Variants in DOCK1 observed in about 807,000 individuals in gnomAD.
DOCK1 encodes the protein dedicator of cytokinesis protein 1.
A neutral mutation model predicts 262.7 loss-of-function variants in DOCK1; 138 were observed. The ratio of observed to expected loss-of-function variants is 0.53; its 90% CI spans 0.46 to 0.61. The LOEUF is 0.61. Ranked by LOEUF, DOCK1 falls within the 20% of genes least tolerant of loss-of-function variation. The pLI is 0.00. For synonymous variants in DOCK1, 866 were observed against 867.4 expected (o/e 1.00, Z 0.03); for missense variants, 1,908 against 2,370.7 (o/e 0.80, Z 4.05).
At chr10:127,273,771 A>G (rs2060648210) in intron 29 of DOCK1, among the ~76,000 whole-genome samples, 2 of 151,990 alleles carry the variant, frequency 1.3e-5, no homozygotes, top group African/African-American at 2.4e-5. Flanking sequence ...TAGTCCAGCT[A>G]CTTGGGAGGC....
chr10:126,956,050 T>C (rs2036710667), intron 1 of DOCK1, among the ~76,000 whole-genome samples: 3 of 152,188 alleles, frequency 2.0e-5, no homozygotes, highest in African/African-American at 7.2e-5. Flanking sequence ...TGGGATGGAC[T>C]CTCTGCCACT....
chr10:127,124,977 C>T (rs1476370531), intron 25 of DOCK1, among the ~76,000 whole-genome samples: 3 of 152,086 alleles, frequency 2.0e-5, no homozygotes, highest in Non-Finnish European at 2.9e-5. Context: ...ATTAGCTGGG[C>T]GTGGTGGCAG....
intron 1 of DOCK1, among the ~76,000 whole-genome samples, chr10:126,913,012 C>T (rs2032036187): frequency 6.6e-6 from 1 of 151,192 alleles, no homozygotes; most frequent in Non-Finnish European, 1.5e-5. Context: ...TCCTGCAAGC[C>T]CATGGGTCCC....
chr10:127,063,636 C>CCAA (rs2045678162), intron 23 of DOCK1, among the ~76,000 whole-genome samples: 1 of 152,160 alleles, frequency 6.6e-6, no homozygotes, highest in Non-Finnish European at 1.5e-5. Flanking sequence ...ACATTTACTA[C>CCAA]TGAATTCAGT....
intron 21 of DOCK1, among the ~76,000 whole-genome samples, chr10:127,043,760 T>TG (rs1389544004): frequency 6.6e-6 from 1 of 152,194 alleles, no homozygotes; most frequent in Admixed American, 6.5e-5. Flanking sequence ...AGCAGAGCCC[T>TG]GGAGTCTGGA....
intron 1 of DOCK1, among the ~76,000 whole-genome samples, chr10:126,941,481 GCACA>G (rs2034975219): frequency 6.6e-6 from 1 of 152,222 alleles, no homozygotes; most frequent in African/African-American, 2.4e-5. Flanking sequence ...TGTGGGCCGG[GCACA>G]GTGGCTCATG....
chr10:127,364,449 C>T (rs1052411329), intron 33 of DOCK1, among the ~76,000 whole-genome samples: 2 of 152,196 alleles, frequency 1.3e-5, no homozygotes, highest in African/African-American at 4.8e-5. Context: ...TCACTACAGC[C>T]TCCACATCCC....
At chr10:126,999,665 T>TA (rs1175219289) in intron 9 of DOCK1, among the ~76,000 whole-genome samples, 1 of 152,142 alleles carries the variant, frequency 6.6e-6, no homozygotes, top group Non-Finnish European at 1.5e-5. Context: ...ATGTGCCTCT[T>TA]AAATGTGTAT....
intron 22 of DOCK1, 55 bp from the exon 23 acceptor site, chr10:127,061,613 A>C: frequency 6.8e-7 from 1 of 1,471,926 alleles, no homozygotes; most frequent in African/African-American, 1.4e-5. Context: ...ACATGGATTC[A>C]AAAAATGTTG....
chr10:127,120,321 C>T (rs145792344), intron 25 of DOCK1, among the ~76,000 whole-genome samples: 77 of 152,292 alleles, frequency 5.1e-4, no homozygotes, highest in Admixed American at 7.9e-4. Context: ...TCTTTAACAT[C>T]GGCTTTCTAG....
intron 29 of DOCK1, among the ~76,000 whole-genome samples, chr10:127,322,243 G>A (rs1473564509): frequency 1.3e-5 from 2 of 150,180 alleles, no homozygotes; most frequent in Admixed American, 1.3e-4. Context: ...AGGCTAGAGT[G>A]CAGTGGTGTG....
chr10:127,080,795 T>C lies in DOCK1; in HGVS notation c.2445+19019T>C, dbSNP rs1339927943. Among the ~76,000 whole-genome samples the C allele has an allele frequency of 2.6e-5, 4 of 152,226 alleles. No homozygotes were observed. The East Asian group carries it at 7.7e-4, about 29-fold the overall frequency. ...TTTCCTGTTCAATAATTTAATATTT[T>C]AAAATGACACCTTTGGTCTTTTATT... is the stretch of plus-strand genomic sequence containing the variant. On this transcript the variant is annotated intron_variant, in intron 23 of 51. Transcript: ENST00000623213.
intron 11 of DOCK1, among the ~76,000 whole-genome samples, chr10:127,010,992 G>A (rs1261623794): frequency 2.0e-5 from 3 of 152,162 alleles, no homozygotes; most frequent in Admixed American, 6.5e-5. Context: ...AGGTTAGGGA[G>A]GTTATTAGTT....
chr10:127,383,726 T>G (rs1160678169), intron 37 of DOCK1, among the ~76,000 whole-genome samples: 1 of 152,164 alleles, frequency 6.6e-6, no homozygotes, highest in Admixed American at 6.5e-5. Flanking sequence ...TCCCACTTAG[T>G]GCCTTTGCAG....
At chr10:127,379,274 G>A (rs893729817) in intron 35 of DOCK1, among the ~76,000 whole-genome samples, 3 of 152,180 alleles carry the variant, frequency 2.0e-5, no homozygotes, top group African/African-American at 4.8e-5. Context: ...TCAACCAGAC[G>A]ATATTTTCCA....
intron 12 of DOCK1, among the ~76,000 whole-genome samples, chr10:127,017,333 A>G (rs900397990): frequency 8.0e-5 from 10 of 124,818 alleles, no homozygotes; most frequent in African/African-American, 3.2e-4. Flanking sequence ...ATATATATAT[A>G]CACTCACACA....
At position 126,930,516 on chromosome 10, in the gene DOCK1, G is replaced by A. The variant is rs978598569; in HGVS notation, c.46+24953G>A. On this transcript the variant is annotated intron_variant, in intron 1 of 51. Transcript: ENST00000623213. ...TCCCGGGTGGGTTGGCATGGGCGCC[G>A]GTGGTCCTCTTGGCCGCTTTGCTGT... 8.5e-5 allele frequency among the ~76,000 whole-genome samples: 13 copies of A among 152,332 alleles called. No individual in the cohort carries two copies. The East Asian group carries it at 2.1e-3, about 25-fold the overall frequency.
chr10:126,982,582 A>C (rs1033766036), intron 4 of DOCK1, among the ~76,000 whole-genome samples: 2 of 152,142 alleles, frequency 1.3e-5, no homozygotes, highest in African/African-American at 4.8e-5. Context: ...ACATCTTCAC[A>C]CTCAGTTAAA....
At chr10:126,933,508 T>G (rs1318023029) in intron 1 of DOCK1, among the ~76,000 whole-genome samples, 2 of 152,158 alleles carry the variant, frequency 1.3e-5, no homozygotes, top group Non-Finnish European at 2.9e-5. Flanking sequence ...CTGTACTTCC[T>G]GGGTTTTGCA....
Sources: allele counts gnomAD v4.1 joint callset (sites outside exome capture counted in the v4.1 genomes callset), GRCh38; gene constraint gnomAD v4.1.1; transcripts MANE v1.5; gene names NCBI Gene and HGNC (gene_info 2026-07-23, HGNC 2026-07-21).